Variants in PLCB1 observed in about 807,000 individuals in gnomAD.
PLCB1 encodes the protein 1-phosphatidylinositol 4,5-bisphosphate phosphodiesterase beta-1.
PLCB1 carries 46 observed loss-of-function variants against 161.8 expected under a neutral mutation model. The observed-to-expected ratio is 0.28, with a 90% CI of 0.22 to 0.36. The LOEUF (loss-of-function observed/expected upper bound fraction) is 0.36. Ranked by LOEUF, PLCB1 falls within the 10% of genes least tolerant of loss-of-function variation. PLCB1 has a pLI of 1.00. For synonymous variants in PLCB1, 517 were observed against 503.7 expected (o/e 1.03, Z -0.35); for missense variants, 1,016 against 1,472.5 (o/e 0.69, Z 5.07).
chr20:8,326,912 G>T (rs531157585), intron 2 of PLCB1, among the ~76,000 whole-genome samples: 6 of 152,310 alleles, frequency 3.9e-5, no homozygotes, highest in Non-Finnish European at 5.9e-5. Flanking sequence ...TTGAGACAGG[G>T]TCTTGCTCTG....
intron 2 of PLCB1, among the ~76,000 whole-genome samples, chr20:8,297,414 C>G (rs1008402095): frequency 6.6e-6 from 1 of 151,890 alleles, no homozygotes; most frequent in Non-Finnish European, 1.5e-5. Flanking sequence ...TAATAATGTT[C>G]AATATCTGGA....
chr20:8,153,432 TCCTGCACAG>T (rs1356901298), intron 2 of PLCB1, among the ~76,000 whole-genome samples: 3 of 151,882 alleles, frequency 2.0e-5, no homozygotes. Flanking sequence ...GAGAAGGGAG[TCCTGCACAG>T]CCTGAGTACT....
At chr20:8,365,697 T>C (rs1288678891) in intron 2 of PLCB1, among the ~76,000 whole-genome samples, 3 of 152,192 alleles carry the variant, frequency 2.0e-5, no homozygotes, top group African/African-American at 4.8e-5. Context: ...GTAAAATATA[T>C]TAATGTATTC....
At chr20:8,398,727 A>G (rs1011683500) in intron 3 of PLCB1, among the ~76,000 whole-genome samples, 3 of 151,626 alleles carry the variant, frequency 2.0e-5, no homozygotes, top group Admixed American at 6.6e-5. Flanking sequence ...GGAGACAAAC[A>G]TTCACTTAAT....
intron 3 of PLCB1, among the ~76,000 whole-genome samples, chr20:8,418,489 G>A (rs1979395912): frequency 1.3e-5 from 2 of 152,110 alleles, no homozygotes; most frequent in African/African-American, 2.4e-5. Flanking sequence ...TTATTTTATC[G>A]AAATTTGTTG....
At chr20:8,449,577 G>T (rs1332059687) in intron 3 of PLCB1, among the ~76,000 whole-genome samples, 2 of 152,180 alleles carry the variant, frequency 1.3e-5, no homozygotes, top group Non-Finnish European at 2.9e-5. Flanking sequence ...ATGGTTTCCG[G>T]GTAAACTCCG....
At chr20:8,863,643 G>A (rs961602682) in intron 31 of PLCB1, among the ~76,000 whole-genome samples, 9 of 152,184 alleles carry the variant, frequency 5.9e-5, no homozygotes, top group Non-Finnish European at 7.3e-5. Context: ...CTCACACACC[G>A]TACTTGCTCC....
chr20:8,463,566 T>C (rs1158081749), intron 3 of PLCB1, among the ~76,000 whole-genome samples: 1 of 152,212 alleles, frequency 6.6e-6, no homozygotes, highest in African/African-American at 2.4e-5. Context: ...AATGTATTTA[T>C]GTTGATGTAG....
chr20:8,727,474 G>T (rs921574046), intron 17 of PLCB1, 81 bp downstream of exon 17: 1 of 791,382 alleles, frequency 1.3e-6, no homozygotes. Context: ...TTTTAATAAG[G>T]AGAAAGATGC....
At chr20:8,323,549 G>T (rs118143370) in intron 2 of PLCB1, among the ~76,000 whole-genome samples, 3,706 of 152,222 alleles carry the variant, frequency 0.024, 67 homozygotes, top group Non-Finnish European at 0.037. Flanking sequence ...CTCTCCAGCA[G>T]GATGGATTCA....
At chr20:8,190,517 G>C (rs2051957427) in intron 2 of PLCB1, among the ~76,000 whole-genome samples, 1 of 152,040 alleles carries the variant, frequency 6.6e-6, no homozygotes, top group African/African-American at 2.4e-5. Flanking sequence ...TGTTTATGAT[G>C]GCAGAGCAAA....
At chr20:8,136,838 G>C (rs942289351) in intron 1 of PLCB1, among the ~76,000 whole-genome samples, 1 of 152,066 alleles carries the variant, frequency 6.6e-6, no homozygotes, top group Non-Finnish European at 1.5e-5. Context: ...GTGTTTCACG[G>C]AAAATAAGTA....
chr20:8,281,488 C>T (rs1300417165), intron 2 of PLCB1, among the ~76,000 whole-genome samples: 2 of 151,656 alleles, frequency 1.3e-5, no homozygotes, highest in African/African-American at 2.4e-5. Context: ...TTACTAGATC[C>T]CCTTAAACTT....
At chr20:8,516,148 CGTG>C (rs538498146) in intron 3 of PLCB1, among the ~76,000 whole-genome samples, 11 of 152,258 alleles carry the variant, frequency 7.2e-5, no homozygotes, top group African/African-American at 2.2e-4. Flanking sequence ...TCCCACAACA[CGTG>C]GGAATTATGG....
chr20:8,729,222 TG>T (rs1480526056), intron 18 of PLCB1, 48 bp downstream of exon 18: 1 of 1,500,406 alleles, frequency 6.7e-7, no homozygotes, highest in African/African-American at 1.4e-5. Flanking sequence ...CATTGCCAAG[TG>T]TCCAAAAACC....
chr20:8,563,713 G>A (rs1986227970), intron 3 of PLCB1, among the ~76,000 whole-genome samples: 2 of 152,102 alleles, frequency 1.3e-5, no homozygotes, highest in Non-Finnish European at 2.9e-5. Flanking sequence ...TAGGCAAACA[G>A]AGAGCCAAAT....
chr20:8,565,271 A>G (rs1484862150), intron 3 of PLCB1, among the ~76,000 whole-genome samples: 1 of 152,074 alleles, frequency 6.6e-6, no homozygotes, highest in Non-Finnish European at 1.5e-5. Flanking sequence ...CTCACTCATA[A>G]GTGGGAGTTG....
intron 23 of PLCB1, among the ~76,000 whole-genome samples, chr20:8,752,800 A>T (rs2123552948): frequency 6.6e-6 from 1 of 152,156 alleles, no homozygotes; most frequent in Admixed American, 6.5e-5. Flanking sequence ...CTCAAAAAAA[A>T]AAAAAAAAGT....
chr20:8,705,188 G>A (rs562263186), intron 11 of PLCB1, among the ~76,000 whole-genome samples: 119 of 151,966 alleles, frequency 7.8e-4, no homozygotes, highest in Middle Eastern at 6.8e-3. Flanking sequence ...TAATCATCAC[G>A]AGCTACAAAG....
Sources: gnomAD v4.1 joint callset for allele counts (sites outside exome capture counted in the v4.1 genomes callset) on GRCh38, gnomAD v4.1.1 for gene constraint, MANE v1.5 for transcripts, NCBI Gene and HGNC (gene_info 2026-07-23, HGNC 2026-07-21) for gene names.